Variants in RPS19 observed in about 807,000 individuals in gnomAD.
The protein encoded by RPS19 is small ribosomal subunit protein eS19.
In RPS19, 1 loss-of-function variant was observed where a neutral mutation model predicts 20.3. The observed-to-expected ratio is 0.05, with a 90% CI of 0.02 to 0.23. The LOEUF (loss-of-function observed/expected upper bound fraction) is 0.23. Ranked by LOEUF, RPS19 falls within the 10% of genes least tolerant of loss-of-function variation. The pLI, the probability that RPS19 is intolerant of heterozygous loss-of-function variation, is 1.00. For missense variants in RPS19, 111 were observed against 192.7 expected (o/e 0.58, Z 2.51); for synonymous variants, 87 against 74.8 (o/e 1.16, Z -0.84).
intron 3 of RPS19, 91 bp downstream of exon 3, chr19:41,861,303 G>A (rs782659298): frequency 8.7e-6 from 8 of 916,866 alleles, no homozygotes; most frequent in East Asian, 2.5e-5. Context: ...GCTCTTTCCC[G>A]CCCCAAGAGG....
chr19:41,861,945 C>A (rs1052786317), intron 3 of RPS19, among the ~76,000 whole-genome samples: 19 of 152,220 alleles, frequency 1.2e-4, no homozygotes, highest in African/African-American at 4.6e-4. Flanking sequence ...TATTTCAGTA[C>A]TCACTAAATC....
Position 41,860,854 on chromosome 19 carries a change from G to A in RPS19, c.71+9G>A, listed in dbSNP as rs781914125. On this transcript the variant is annotated intron_variant, in intron 2 of 5. Coordinates refer to ENST00000598742, the MANE Select transcript of RPS19 (RefSeq NM_001022.4). ...GCAGCCTTCCTCAAAAAGTGAGTTT[G>A]GGGACTGAGGTTCAAAACGGGTGGA... is the stretch of plus-strand genomic sequence containing the variant. 4 of 1,611,200 alleles carry A rather than the reference G, an allele frequency of 2.5e-6. No individual in the cohort carries two copies. The highest frequency in any genetic ancestry group is 3.4e-6 in the Non-Finnish European group (4 of 1,177,986).
At chr19:41,864,228 G>C (rs1188684449) in intron 3 of RPS19, 1 of 152,282 alleles carries the variant, frequency 6.6e-6, no homozygotes, top group African/African-American at 2.4e-5. Context: ...GTGTGCGTCT[G>C]AGAGCAGCTG....
chr19:41,869,877 G>A (rs1308424206), intron 5 of RPS19, 124 bp downstream of exon 5: 9 of 974,852 alleles, frequency 9.2e-6, no homozygotes, highest in African/African-American at 6.4e-5. Flanking sequence ...TGCTGGTGGG[G>A]TCAGAGGAGG....
At chr19:41,865,408 C>G (rs1409121609) in intron 3 of RPS19, among the ~76,000 whole-genome samples, 1 of 150,818 alleles carries the variant, frequency 6.6e-6, no homozygotes, top group Non-Finnish European at 1.5e-5. Context: ...GGAGCTTGTT[C>G]TCTACCAGTC....
intron 3 of RPS19, chr19:41,864,885 G>C (rs1437658943): frequency 2.6e-5 from 4 of 152,170 alleles, no homozygotes; most frequent in African/African-American, 7.2e-5. Context: ...TGGTCTCCAG[G>C]GGGTGAGGAA....
intron 1 of RPS19, 148 bp from the exon 2 acceptor site, chr19:41,860,627 C>T: frequency 1.3e-6 from 1 of 768,530 alleles, no homozygotes; most frequent in Non-Finnish European, 2.4e-6. Context: ...CCCGCAGGAG[C>T]CGGAGCCCGG....
chr19:41,861,656 A>AAGCAG, intron 3 of RPS19: 1 of 265,506 alleles, frequency 3.8e-6, no homozygotes, highest in Non-Finnish European at 7.5e-6. Context: ...AATGAATTTA[A>AAGCAG]AGCAGAGTGT....
intron 3 of RPS19, 140 bp from the exon 4 acceptor site, chr19:41,868,891 G>C: frequency 1.2e-6 from 1 of 866,346 alleles, no homozygotes; most frequent in Non-Finnish European, 1.8e-6. Context: ...AGGAGAGGGG[G>C]CTGTCAGTTT....
rs993461021 is a variant in RPS19 at position 41,867,164 on chromosome 19, G to A, written c.173-1867G>A. Reference sequence around the variant, plus strand: ...GGGTCTCTTCAGAAATTATCTGGGCGTGGTGGCTTGCACCTGTAGTCCCAA... The same window carrying A: ...GGGTCTCTTCAGAAATTATCTGGGCATGGTGGCTTGCACCTGTAGTCCCAA... On this transcript the variant is annotated intron_variant, in intron 3 of 5. Transcript: ENST00000598742. 5.9e-5 allele frequency among the ~76,000 whole-genome samples: 9 copies of A among 151,936 alleles called. 1 individual carries two copies. Among genetic ancestry groups the A allele is most frequent in the African/African-American group, 1.5e-4 (6 of 41,326 alleles).
intron 3 of RPS19, chr19:41,861,651 A>AT (rs1416080094): frequency 2.3e-5 from 6 of 266,538 alleles, no homozygotes; most frequent in Non-Finnish European, 4.5e-5. Flanking sequence ...GATTGAATGA[A>AT]TTTAAAGCAG....
intron 3 of RPS19, chr19:41,864,169 T>A (rs1436071858): frequency 6.6e-6 from 1 of 152,158 alleles, no homozygotes; most frequent in African/African-American, 2.4e-5. Context: ...CTTAATTCTT[T>A]AAAGGACCTG....
intron 5 of RPS19, among the ~76,000 whole-genome samples, chr19:41,869,960 AG>A (rs1235126143): frequency 6.6e-6 from 1 of 152,082 alleles, no homozygotes; most frequent in Non-Finnish European, 1.5e-5. Flanking sequence ...ATTTGGAGGC[AG>A]GCTGGCTGTG....
At chr19:41,868,813 G>GA (rs2074114748) in intron 3 of RPS19, among the ~76,000 whole-genome samples, 1 of 152,052 alleles carries the variant, frequency 6.6e-6, no homozygotes, top group African/African-American at 2.4e-5. Flanking sequence ...TGGCCCTGGA[G>GA]ATGGTGGGAG....
intron 3 of RPS19, 173 bp downstream of exon 3, chr19:41,861,385 T>C: frequency 1.6e-6 from 1 of 638,324 alleles, no homozygotes; most frequent in Non-Finnish European, 2.8e-6. Context: ...ACTCCAAGTT[T>C]TTATGACATT....
rs180797301 is a variant in RPS19 at position 41,872,839 on chromosome 19, G to A, written c.*1462G>A. 103 of 152,302 alleles carry A rather than the reference G, an allele frequency of 6.8e-4. No homozygotes were observed. The highest frequency in any genetic ancestry group is 2.5e-3 in the African/African-American group (102 of 41,554). The allele number at this position is 152,302 out of a possible 1,614,324, so 9.4% of individuals were successfully genotyped here. A position where few individuals can be genotyped will look rare whatever the true frequency, so the allele number is the denominator to read the frequency against. On this transcript the variant is annotated 3_prime_UTR_variant, in exon 6 of 6. Coordinates refer to ENST00000598742, the MANE Select transcript of RPS19 (RefSeq NM_001022.4). ...GAACCCCGGAGGCGGAGGTTGCAGTGGGTTGAGATCGAGCAATTGCAATCC... is the reference window on the plus strand; with the variant it reads ...GAACCCCGGAGGCGGAGGTTGCAGTAGGTTGAGATCGAGCAATTGCAATCC...
At chr19:41,860,712 G>A in intron 1 of RPS19, 63 bp from the exon 2 acceptor site, 3 of 1,201,490 alleles carry the variant, frequency 2.5e-6, no homozygotes, top group South Asian at 1.2e-5. Context: ...TTGGGGTGGG[G>A]TCCGTGCTCT....
chr19:41,860,832 G>A lies in RPS19; in HGVS notation c.58G>A (p.Ala20Thr). The A allele has an allele frequency of 6.2e-7, 1 of 1,613,744 alleles. No individual in the cohort carries two copies. Among genetic ancestry groups the A allele is most frequent in the South Asian group, 1.1e-5 (1 of 91,060 alleles). Residue 20 changes from alanine (A) to threonine (T), a missense_variant, in exon 2 of 6, where the codon GCC (alanine) becomes ACC (threonine). Coordinates refer to ENST00000598742, the MANE Select transcript of RPS19 (RefSeq NM_001022.4). ...NQQEFVRALAAFLKKSGKLKV... is the reference protein window; with the variant it reads ...NQQEFVRALATFLKKSGKLKV... ...GCAGGAGTTCGTCAGAGCTCTGGCAGCCTTCCTCAAAAAGTGAGTTTGGGG... is the reference window on the plus strand; with the variant it reads ...GCAGGAGTTCGTCAGAGCTCTGGCAACCTTCCTCAAAAAGTGAGTTTGGGG...
intron 3 of RPS19, among the ~76,000 whole-genome samples, chr19:41,865,943 C>T (rs1343704894): frequency 9.0e-5 from 8 of 88,694 alleles, no homozygotes; most frequent in African/African-American, 3.2e-4. Flanking sequence ...AGTGAGACTC[C>T]GTCTTTAAAA....
Sources: allele counts gnomAD v4.1 joint callset (sites outside exome capture counted in the v4.1 genomes callset), GRCh38; gene constraint gnomAD v4.1.1; transcripts MANE v1.5; gene names NCBI Gene and HGNC (gene_info 2026-07-23, HGNC 2026-07-21).